PLD5: variants seen among roughly 807,000 people sequenced by gnomAD.
PLD5 encodes the protein phospholipase D family member 5, also known as inactive phospholipase D5.
Under a neutral mutation model 61.1 loss-of-function variants are expected in PLD5, and 36 were observed. The ratio of observed to expected loss-of-function variants is 0.59; its 90% CI spans 0.45 to 0.78. The LOEUF is 0.78. PLD5 is among the 30% of genes least tolerant of loss of function. The probability of loss-of-function intolerance (pLI) is 0.00; values close to 1 mark genes in which losing one functional copy is unlikely to be tolerated. For missense variants in PLD5, 515 were observed against 644.4 expected (o/e 0.80, Z 2.17); for synonymous variants, 243 against 242.8 (o/e 1.00, Z -0.01).
chr1:242,283,210 G>A (rs1473694145), intron 3 of PLD5, among the ~76,000 whole-genome samples: 1 of 152,062 alleles, frequency 6.6e-6, no homozygotes, highest in African/African-American at 2.4e-5. Flanking sequence ...TACTCTTCCA[G>A]AGACCAGATC....
chr1:242,424,234 GATA>G (rs979853144), intron 1 of PLD5, among the ~76,000 whole-genome samples: 11 of 152,034 alleles, frequency 7.2e-5, no homozygotes, highest in Admixed American at 5.9e-4. Flanking sequence ...ATGCTCTACT[GATA>G]ATGTTACTAT....
intron 5 of PLD5, among the ~76,000 whole-genome samples, chr1:242,199,709 C>T (rs1488453610): frequency 6.6e-6 from 1 of 152,204 alleles, no homozygotes; most frequent in Non-Finnish European, 1.5e-5. Context: ...TCATTCCACA[C>T]TCCGCCTCCA....
At chr1:242,246,301 G>T (rs762637045) in intron 4 of PLD5, among the ~76,000 whole-genome samples, 2 of 152,042 alleles carry the variant, frequency 1.3e-5, no homozygotes, top group Non-Finnish European at 2.9e-5. Flanking sequence ...AGGAATTCAC[G>T]GCTGCAGTGG....
chr1:242,521,961 T>C (rs958212290), intron 1 of PLD5, among the ~76,000 whole-genome samples: 3 of 134,610 alleles, frequency 2.2e-5, no homozygotes, highest in African/African-American at 8.1e-5. Context: ...CAACTAGCTC[T>C]TGAATTCAAA....
chr1:242,493,410 G>A (rs963459337), intron 1 of PLD5, among the ~76,000 whole-genome samples: 4 of 152,264 alleles, frequency 2.6e-5, no homozygotes, highest in South Asian at 2.1e-4. Flanking sequence ...GGAGAGAGGC[G>A]AGCACCGGGT....
chr1:242,355,668 A>AT (rs1558491958), intron 1 of PLD5, among the ~76,000 whole-genome samples: 1 of 150,728 alleles, frequency 6.6e-6, no homozygotes, highest in Admixed American at 6.6e-5. Flanking sequence ...TGTTCTTTTT[A>AT]TGTTTTCTTA....
At chr1:242,389,281 A>G (rs1056225405) in intron 1 of PLD5, among the ~76,000 whole-genome samples, 11 of 152,154 alleles carry the variant, frequency 7.2e-5, no homozygotes, top group Non-Finnish European at 1.5e-4. Flanking sequence ...GCCCCCTGGT[A>G]TACATGTTAC....
Position 242,464,282 on chromosome 1 carries a change from A to C in PLD5, c.189+59806T>G, listed in dbSNP as rs142796672. On this transcript the variant is annotated intron_variant, in intron 1 of 9. Coordinates refer to ENST00000536534, the MANE Select transcript of PLD5 (RefSeq NM_001372062.1). ...TGGCAAGTAAGTGCCAGTGGCTCCT[A>C]TATTATATTTCAGCCCAAATCTATT... Among the ~76,000 whole-genome samples the C allele has an allele frequency of 1.9e-4, 29 of 152,248 alleles. 1 individual carries two copies. The highest frequency in any genetic ancestry group is 6.7e-4 in the African/African-American group (28 of 41,530).
chr1:242,158,177 A>G (rs1264109617), intron 5 of PLD5, among the ~76,000 whole-genome samples: 1 of 152,144 alleles, frequency 6.6e-6, no homozygotes, highest in East Asian at 1.9e-4. Context: ...CAAGCATCCC[A>G]GGTGGATCTG....
At chr1:242,436,313 C>A (rs764029420) in intron 1 of PLD5, among the ~76,000 whole-genome samples, 3 of 152,156 alleles carry the variant, frequency 2.0e-5, no homozygotes, top group Admixed American at 1.3e-4. Context: ...GAAAGGCAAT[C>A]ACATCATTCT....
At chr1:242,289,067 T>C (rs1675198656) in intron 2 of PLD5, among the ~76,000 whole-genome samples, 1 of 152,190 alleles carries the variant, frequency 6.6e-6, no homozygotes, top group Non-Finnish European at 1.5e-5. Context: ...AGAAGAAAAT[T>C]ATAAAACCTG....
At chr1:242,172,591 C>G (rs28847350) in intron 5 of PLD5, among the ~76,000 whole-genome samples, 51,141 of 151,870 alleles carry the variant, frequency 0.34, 8,795 homozygotes, top group African/African-American at 0.36. Context: ...AATCCAGGAG[C>G]TGGATTTTTG....
At chr1:242,501,825 G>T (rs1668565282) in intron 1 of PLD5, among the ~76,000 whole-genome samples, 1 of 149,008 alleles carries the variant, frequency 6.7e-6, no homozygotes, top group African/African-American at 2.5e-5. Flanking sequence ...ACATCATGCT[G>T]TACCTTAAAT....
intron 5 of PLD5, among the ~76,000 whole-genome samples, chr1:242,135,229 A>C (rs1431896487): frequency 6.6e-6 from 1 of 152,226 alleles, no homozygotes; most frequent in Non-Finnish European, 1.5e-5. Context: ...ATATATATAT[A>C]TGTATAATCA....
At chr1:242,246,478 AACACACACACACACACACAC>A (rs34723926) in intron 4 of PLD5, among the ~76,000 whole-genome samples, 1 of 141,106 alleles carries the variant, frequency 7.1e-6, no homozygotes, top group Non-Finnish European at 1.5e-5. Context: ...TAGAAAAGAC[AACACACACACACACACACAC>A]ACACACACAC....
At chr1:242,208,487 TGACCATAA>T (rs1669585964) in intron 5 of PLD5, among the ~76,000 whole-genome samples, 1 of 152,172 alleles carries the variant, frequency 6.6e-6, no homozygotes, top group Non-Finnish European at 1.5e-5. Flanking sequence ...TCTCAGGTAA[TGACCATAA>T]CGATCTCACT....
At chr1:242,130,399 T>A (rs1663144098) in intron 5 of PLD5, among the ~76,000 whole-genome samples, 1 of 152,224 alleles carries the variant, frequency 6.6e-6, no homozygotes. Flanking sequence ...TGAATTGTGC[T>A]ATGATAAACA....
At chr1:242,357,494 T>G (rs576161957) in intron 1 of PLD5, among the ~76,000 whole-genome samples, 15 of 151,854 alleles carry the variant, frequency 9.9e-5, no homozygotes, top group Admixed American at 3.3e-4. Flanking sequence ...TTTTTCTTTT[T>G]TTTTTTTTGA....
intron 1 of PLD5, among the ~76,000 whole-genome samples, chr1:242,412,259 C>A (rs1664598097): frequency 6.6e-6 from 1 of 152,182 alleles, no homozygotes; most frequent in Non-Finnish European, 1.5e-5. Flanking sequence ...ACCTCCCATC[C>A]CATCATGGCC....
Sources: allele counts gnomAD v4.1 joint callset (sites outside exome capture counted in the v4.1 genomes callset), GRCh38; gene constraint gnomAD v4.1.1; transcripts MANE v1.5; gene names NCBI Gene and HGNC (gene_info 2026-07-23, HGNC 2026-07-21).